The following SPTB variants were observed in gnomAD, a reference collection of about 807,000 sequenced individuals.
The protein encoded by SPTB is spectrin beta chain, erythrocytic.
A neutral mutation model predicts 256.2 loss-of-function variants in SPTB; 45 were observed. The ratio of observed to expected loss-of-function variants is 0.18; its 90% CI spans 0.14 to 0.23. SPTB has a LOEUF of 0.23. Among genes scored for constraint, SPTB ranks in the 10% least tolerant of loss-of-function variants. The probability of loss-of-function intolerance (pLI) is 1.00; values close to 1 mark genes in which losing one functional copy is unlikely to be tolerated. For synonymous variants in SPTB, 1,231 were observed against 1,243.1 expected, an observed-to-expected ratio of 0.99 and a Z score of 0.21; for missense variants, 2,715 against 3,040.4, an observed-to-expected ratio of 0.89 and a Z score of 2.52.
intron 1 of SPTB, among the ~76,000 whole-genome samples, chr14:64,850,035 G>A (rs755146616): frequency 6.6e-6 from 1 of 152,172 alleles, no homozygotes; most frequent in Non-Finnish European, 1.5e-5. Flanking sequence ...GCACGGCTAC[G>A]ATCCACATTT....
At chr14:64,836,470 A>G (rs1169138710) in intron 1 of SPTB, among the ~76,000 whole-genome samples, 2 of 152,046 alleles carry the variant, frequency 1.3e-5, no homozygotes, top group African/African-American at 4.8e-5. Context: ...CTCGGTACTG[A>G]GTTTGTGGGT....
intron 1 of SPTB, among the ~76,000 whole-genome samples, chr14:64,832,896 T>C (rs1331671840): frequency 6.6e-6 from 1 of 152,234 alleles, no homozygotes; most frequent in Admixed American, 6.5e-5. Context: ...ATTTGCTCTT[T>C]GGCCTACTAA....
chr14:64,767,268 G>A (rs1330834561), intron 31 of SPTB, 35 bp downstream of exon 31: 2 of 1,613,156 alleles, frequency 1.2e-6, no homozygotes, highest in Middle Eastern at 1.6e-4. Context: ...ACTTGGCAGA[G>A]CATTCAGCTC....
Position 64,772,467 on chromosome 14 carries a change from G to T in SPTB, c.5553+113C>A. On this transcript the variant is annotated intron_variant, in intron 26 of 35. Transcript: ENST00000644917. This position sits in a 1 kb window ranked among gnomAD's most constrained non-coding sequence, Gnocchi z 5.4. ...CCTGAGCTCCTGGCTGTCTAAGGAG[G>T]CAAAACCTCCTGGCACTTATCCTAG... 6.9e-7 allele frequency: 1 copy of T among 1,452,750 alleles called. No homozygotes were observed. Among genetic ancestry groups the T allele is most frequent in the Non-Finnish European group, 9.2e-7 (1 of 1,083,976 alleles). The allele number at this position is 1,452,750 out of a possible 1,614,324, so 90.0% of individuals were successfully genotyped here.
At chr14:64,839,759 T>C (rs376405390) in intron 1 of SPTB, among the ~76,000 whole-genome samples, 1 of 152,230 alleles carries the variant, frequency 6.6e-6, no homozygotes, top group Non-Finnish European at 1.5e-5. Flanking sequence ...GGTTCTATAA[T>C]GGAATTTTAT....
intron 32 of SPTB, among the ~76,000 whole-genome samples, chr14:64,765,048 G>GTGTGTGTGTGTGT (rs2082147770): frequency 6.9e-6 from 1 of 144,432 alleles, no homozygotes; most frequent in Non-Finnish European, 1.5e-5. Flanking sequence ...GTGTGCGCGC[G>GTGTGTGTGTGTGT]CGCGCGCGGG....
Position 64,749,275 on chromosome 14 carries a change from C to G in SPTB, c.*31G>C. ...CTGGGCTGCCCGGTCTCTGCGCGTC[C>G]CGACTCCGCCGCGCCCGCCAGCCCC... On this transcript the variant is annotated 3_prime_UTR_variant, in exon 36 of 36. Coordinates refer to ENST00000644917, the MANE Select transcript of SPTB (RefSeq NM_001355436.2). This position sits in a 1 kb window ranked among gnomAD's most constrained non-coding sequence, Gnocchi z 4.7. 1.9e-6 allele frequency: 3 copies of G among 1,550,796 alleles called. No homozygotes were observed. Among genetic ancestry groups the G allele is most frequent in the Non-Finnish European group, 8.7e-7 (1 of 1,153,200 alleles).
chr14:64,816,049 G>A lies in SPTB; in HGVS notation c.148+6898C>T, dbSNP rs2139677962. 6.6e-6 allele frequency among the ~76,000 whole-genome samples: 1 copy of A among 152,288 alleles called. No individual in the cohort carries two copies. Among genetic ancestry groups the A allele is most frequent in the East Asian group, 1.9e-4 (1 of 5,192 alleles). ...CTTCTGCACAGCCTCTCCACAACCT[G>A]TTCTCCCTACAGAGGGTGATCCTTA... On this transcript the variant is annotated intron_variant, in intron 2 of 35. Transcript: ENST00000644917. This position sits in a 1 kb window ranked among gnomAD's most constrained non-coding sequence, Gnocchi z 4.2.
chr14:64,801,681 T>C, intron 6 of SPTB, 73 bp downstream of exon 6: 1 of 1,446,912 alleles, frequency 6.9e-7, no homozygotes, highest in Non-Finnish European at 9.7e-7. Flanking sequence ...GACTCCATGT[T>C]AAGTGCAATG....
rs1231785289 is a variant in SPTB at position 64,746,794 on chromosome 14, C to G, written c.*2512G>C. The G allele has an allele frequency of 2.6e-5, 4 of 152,614 alleles. No individual in the cohort carries two copies. Among genetic ancestry groups the G allele is most frequent in the Non-Finnish European group, 5.9e-5 (4 of 68,178 alleles). 9.5% of individuals were successfully genotyped at this position (152,614 alleles called of 1,614,324 possible). On this transcript the variant is annotated 3_prime_UTR_variant, in exon 36 of 36. Coordinates refer to ENST00000644917, the MANE Select transcript of SPTB (RefSeq NM_001355436.2). This position sits in a 1 kb window ranked among gnomAD's most constrained non-coding sequence, Gnocchi z 4.9. ...TTGCCCAGAAGGAGCTTCCTCTAAA[C>G]TGCCCTGGGAAGGAAGCCTGGTATG...
At chr14:64,770,120 G>A (rs1019052855) in intron 27 of SPTB, among the ~76,000 whole-genome samples, 6 of 152,224 alleles carry the variant, frequency 3.9e-5, no homozygotes, top group Non-Finnish European at 7.3e-5. Context: ...GTCCAGAACA[G>A]GCAAATCTAG....
rs1451507770 is a variant in SPTB, at chr14:64,787,121, C to T, written c.2844G>A (p.Glu948=). The T allele has an allele frequency of 1.2e-6, 2 of 1,603,274 alleles. No homozygotes were observed. Among genetic ancestry groups the T allele is most frequent in the Non-Finnish European group, 1.7e-6 (2 of 1,179,896 alleles). ...AFQTLVSERR[E]AVDSALRVHN... ...GCACTCGGAGGGCTGAGTCCACAGC[C>T]TCCCGCCGCTCCGACACCAGGGTCT... The change falls in exon 16 of 36, where the codon GAG becomes GAA. Residue 948 remains glutamate (E), a synonymous_variant. Transcript: ENST00000644917.
At position 64,779,086 on chromosome 14, in the gene SPTB, G is replaced by T; in HGVS notation, c.4563+71C>A. The stretch of plus-strand genomic sequence containing the variant: ...GCTAGCCTTCTGCAGGTCAGGGCTG[G>T]GCCTACCCCCGTGGGGCCAGGTGGG... On this transcript the variant is annotated intron_variant, in intron 22 of 35. Transcript: ENST00000644917. The surrounding 1 kb of genome is among the most constrained non-coding windows in gnomAD (Gnocchi z 4.2). The T allele has an allele frequency of 1.6e-6, 2 of 1,266,144 alleles. No individual in the cohort carries two copies. The highest frequency in any genetic ancestry group is 1.1e-6 in the Non-Finnish European group (1 of 881,926). The allele number at this position is 1,266,144 out of a possible 1,614,324, so 78.4% of individuals were successfully genotyped here.
Position 64,792,880 on chromosome 14 carries a change from C to T in SPTB, c.2666+117G>A. The T allele has an allele frequency of 7.0e-7, 1 of 1,425,004 alleles. No individual in the cohort carries two copies. The highest frequency in any genetic ancestry group is 9.7e-7 in the Non-Finnish European group (1 of 1,031,128). 88.3% of individuals were successfully genotyped at this position (1,425,004 alleles called of 1,614,324 possible). A position where few individuals can be genotyped will look rare whatever the true frequency, so the allele number is the denominator to read the frequency against. The stretch of plus-strand genomic sequence containing the variant: ...AATGCCAGGACTTTGCAACAAAGGA[C>T]ATCCCAGGGCCTCTCAAAGAGACCT... On this transcript the variant is annotated intron_variant, in intron 14 of 35. Coordinates refer to ENST00000644917, the MANE Select transcript of SPTB (RefSeq NM_001355436.2). The surrounding 1 kb of genome is among the most constrained non-coding windows in gnomAD (Gnocchi z 4.2).
intron 1 of SPTB, among the ~76,000 whole-genome samples, chr14:64,834,859 C>T (rs953795082): frequency 6.6e-6 from 1 of 152,224 alleles, no homozygotes; most frequent in Non-Finnish European, 1.5e-5. Flanking sequence ...CCCTACCTTA[C>T]TTAGTTGAGA....
chr14:64,801,638 G>T, intron 6 of SPTB, 116 bp downstream of exon 6: 2 of 1,115,372 alleles, frequency 1.8e-6, no homozygotes, highest in Non-Finnish European at 2.8e-6. Flanking sequence ...CTGAAGGGGA[G>T]AGGAGAAGGA....
intron 31 of SPTB, 49 bp downstream of exon 31, chr14:64,767,254 T>A: frequency 6.2e-7 from 1 of 1,611,064 alleles, no homozygotes; most frequent in Non-Finnish European, 8.5e-7. Flanking sequence ...CACCCCCTAC[T>A]CCCACTTGGC....
Position 64,779,637 on chromosome 14 carries a change from C to T in SPTB, c.4473+88G>A, listed in dbSNP as rs1044458888. The T allele has an allele frequency of 9.5e-6, 14 of 1,478,080 alleles. No individual in the cohort carries two copies. Among genetic ancestry groups the T allele is most frequent in the Admixed American group, 1.7e-5 (1 of 59,816 alleles). The allele number at this position is 1,478,080 out of a possible 1,614,324, so 91.6% of individuals were successfully genotyped here. A position where few individuals can be genotyped will look rare whatever the true frequency, so the allele number is the denominator to read the frequency against. On this transcript the variant is annotated intron_variant, in intron 21 of 35. Coordinates refer to ENST00000644917, the MANE Select transcript of SPTB (RefSeq NM_001355436.2). The surrounding 1 kb of genome is among the most constrained non-coding windows in gnomAD (Gnocchi z 4.2). ...GGTGAGGTGACCAGTCATCTACTGC[C>T]AAAAATTGCTCTGGGTGGCAGCCAG...
intron 2 of SPTB, among the ~76,000 whole-genome samples, chr14:64,818,280 G>A (rs1000871833): frequency 1.3e-5 from 2 of 152,230 alleles, no homozygotes; most frequent in African/African-American, 4.8e-5. Flanking sequence ...CCCTTCGCAG[G>A]AGGCTCCGGA....
Sources: gnomAD v4.1 joint callset for allele counts (sites outside exome capture counted in the v4.1 genomes callset) on GRCh38, gnomAD v4.1.1 for gene constraint, Gnocchi (gnomAD v3.1) non-coding constraint, MANE v1.5 for transcripts, NCBI Gene and HGNC (gene_info 2026-07-23, HGNC 2026-07-21) for gene names.